SF3B3: variants seen among roughly 807,000 people sequenced by gnomAD.
The protein encoded by SF3B3 is splicing factor 3b subunit 3.
In SF3B3, 33 loss-of-function variants were observed where a neutral mutation model predicts 139.2. The observed-to-expected ratio is 0.24, with a 90% CI of 0.18 to 0.32. SF3B3 has a LOEUF of 0.32. Ranked by LOEUF, SF3B3 falls within the 10% of genes least tolerant of loss-of-function variation. The pLI is 1.00. For missense variants in SF3B3, 818 were observed against 1,509.4 expected, an observed-to-expected ratio of 0.54 and a Z score of 7.59; for synonymous variants, 596 against 563.6, an observed-to-expected ratio of 1.06 and a Z score of -0.81.
chr16:70,563,766 A>C, intron 17 of SF3B3, 110 bp from the exon 18 acceptor site: 1 of 1,014,240 alleles, frequency 9.9e-7, no homozygotes, highest in Non-Finnish European at 1.5e-6. Context: ...CCTAATGCCA[A>C]CGTTAGAGCT....
chr16:70,524,022 A>T, intron 1 of SF3B3, 94 bp downstream of exon 1: 1 of 406,438 alleles, frequency 2.5e-6, no homozygotes, highest in Non-Finnish European at 4.3e-6. Flanking sequence ...GGTCACGGGC[A>T]GTCTAGGCCC....
chr16:70,531,972 C>T (rs546123074), intron 4 of SF3B3, among the ~76,000 whole-genome samples: 1 of 152,186 alleles, frequency 6.6e-6, no homozygotes, highest in African/African-American at 2.4e-5. Context: ...AGCCTGAGGC[C>T]CAGGAATTCT....
intron 11 of SF3B3, among the ~76,000 whole-genome samples, chr16:70,553,087 TTTTA>T (rs2050342891): frequency 6.6e-6 from 1 of 152,102 alleles, no homozygotes; most frequent in African/African-American, 2.4e-5. Flanking sequence ...TTGTATTTTA[TTTTA>T]TTTATTTTTT....
At chr16:70,555,536 G>A (rs991306112) in intron 13 of SF3B3, among the ~76,000 whole-genome samples, 8 of 151,032 alleles carry the variant, frequency 5.3e-5, no homozygotes, top group African/African-American at 1.7e-4. Flanking sequence ...AACCAGTTTG[G>A]TCCCTTACAG....
chr16:70,526,308 A>G (rs2050063116), intron 1 of SF3B3, among the ~76,000 whole-genome samples: 1 of 151,954 alleles, frequency 6.6e-6, no homozygotes, highest in African/African-American at 2.4e-5. Flanking sequence ...CCCAGGTTCA[A>G]GCGATTCTCC....
At chr16:70,549,299 A>G (rs1183667503) in intron 11 of SF3B3, among the ~76,000 whole-genome samples, 1 of 152,188 alleles carries the variant, frequency 6.6e-6, no homozygotes, top group Admixed American at 6.5e-5. Context: ...TAGGAGGAAA[A>G]CAACTTACTA....
intron 1 of SF3B3, among the ~76,000 whole-genome samples, chr16:70,526,218 T>A (rs8052031): frequency 0.58 from 88,141 of 151,604 alleles, 28,543 homozygotes; most frequent in African/African-American, 0.88. Context: ...TTATTTATTT[T>A]TTTTTTTGAG....
intron 11 of SF3B3, among the ~76,000 whole-genome samples, chr16:70,551,360 C>A (rs911577131): frequency 6.6e-6 from 1 of 152,092 alleles, no homozygotes; most frequent in African/African-American, 2.4e-5. Flanking sequence ...GGTACAGTTC[C>A]TAGTCATTTA....
In SF3B3 at chr16:70,538,066, C is replaced by G. The variant is rs78746133; in HGVS notation, c.826-257C>G. ...CTCTTCTCTGACATTTTTCTCTGGACACAGTTTTTGCCTTATGAATCTGAT... is the reference window on the plus strand; with the variant it reads ...CTCTTCTCTGACATTTTTCTCTGGAGACAGTTTTTGCCTTATGAATCTGAT... On this transcript the variant is annotated intron_variant, in intron 6 of 25. Transcript: ENST00000302516. The G allele has an allele frequency of 0.011, 7,014 of 653,014 alleles. 387 individuals are homozygous for G. The African/African-American group carries it at 0.11, about 10-fold the overall frequency. 40.5% of individuals were successfully genotyped at this position (653,014 alleles called of 1,614,324 possible).
At chr16:70,534,603 G>A (rs1222688846) in intron 5 of SF3B3, among the ~76,000 whole-genome samples, 2 of 152,142 alleles carry the variant, frequency 1.3e-5, no homozygotes, top group Admixed American at 1.3e-4. Flanking sequence ...TCTAGGAGGT[G>A]GAGCAGGGTT....
In SF3B3 at chr16:70,573,419, C is replaced by G. The variant is rs1346726574; in HGVS notation, c.*1606C>G. On this transcript the variant is annotated 3_prime_UTR_variant, in exon 26 of 26. Coordinates refer to ENST00000302516, the MANE Select transcript of SF3B3 (RefSeq NM_012426.5). ...CAAGTTTGACTAAAATACATACACT[C>G]CGTACAGAAGGTAGGGGGTTATGTA... The G allele has an allele frequency of 6.6e-6, 1 of 152,146 alleles. No homozygotes were observed. The highest frequency in any genetic ancestry group is 2.4e-5 in the African/African-American group (1 of 41,424). The allele number at this position is 152,146 out of a possible 1,614,324, so 9.4% of individuals were successfully genotyped here. A position where few individuals can be genotyped will look rare whatever the true frequency, so the allele number is the denominator to read the frequency against.
At chr16:70,562,667 T>C (rs2050440000) in intron 17 of SF3B3, among the ~76,000 whole-genome samples, 1 of 152,198 alleles carries the variant, frequency 6.6e-6, no homozygotes, top group Non-Finnish European at 1.5e-5. Context: ...CTGTGGCCCC[T>C]ACCTCCTGAA....
intron 18 of SF3B3, among the ~76,000 whole-genome samples, chr16:70,564,503 C>T (rs555466486): frequency 2.6e-5 from 4 of 152,212 alleles, no homozygotes; most frequent in Non-Finnish European, 4.4e-5. Context: ...CAGGACTATA[C>T]TCTGACCTCC....
chr16:70,550,724 C>T (rs1337141126), intron 11 of SF3B3: 4 of 951,314 alleles, frequency 4.2e-6, no homozygotes, highest in Non-Finnish European at 5.0e-6. Context: ...TATAGTTTAT[C>T]CAAGGAGAGG....
At position 70,529,219 on chromosome 16, in the gene SF3B3, T is replaced by TG; in HGVS notation, c.397+21dup. 6.3e-7 allele frequency: 1 copy of TG among 1,584,952 alleles called. No individual in the cohort carries two copies. The highest frequency in any genetic ancestry group is 8.6e-7 in the Non-Finnish European group (1 of 1,156,458). On this transcript the variant is annotated intron_variant, in intron 3 of 25. Coordinates refer to ENST00000302516, the MANE Select transcript of SF3B3 (RefSeq NM_012426.5). ...TGATTAGTAAGTGATTTACTCTACT[T>TG]GCTGTATATGCCTAGTTTAGGATAA... is the stretch of plus-strand genomic sequence containing the variant.
At chr16:70,537,845 G>C (rs918842153) in intron 6 of SF3B3, among the ~76,000 whole-genome samples, 1 of 152,174 alleles carries the variant, frequency 6.6e-6, no homozygotes. Context: ...AGGCTGAGGC[G>C]GGAGGATCCC....
rs370599143 is a variant in SF3B3, at chr16:70,544,560, G to C, written c.1329+27G>C. 1.2e-4 allele frequency: 157 copies of C among 1,349,980 alleles called. 1 individual carries two copies. In the Middle Eastern group the frequency reaches 6.1e-3, roughly 53 times the overall value. The allele number at this position is 1,349,980 out of a possible 1,614,324, so 83.6% of individuals were successfully genotyped here. A position where few individuals can be genotyped will look rare whatever the true frequency, so the allele number is the denominator to read the frequency against. On this transcript the variant is annotated intron_variant, in intron 10 of 25. Transcript: ENST00000302516. ...TAAGGTTGCAATTTCTAGATAATCTGCAGGGTTTGGAGGGAAGCACTGACA... is the reference window on the plus strand; with the variant it reads ...TAAGGTTGCAATTTCTAGATAATCTCCAGGGTTTGGAGGGAAGCACTGACA...
At chr16:70,562,351 C>T (rs1220419584) in intron 17 of SF3B3, among the ~76,000 whole-genome samples, 1 of 152,128 alleles carries the variant, frequency 6.6e-6, no homozygotes, top group Non-Finnish European at 1.5e-5. Flanking sequence ...TGTTCACATC[C>T]TGGTTATAAC....
At position 70,567,003 on chromosome 16, in the gene SF3B3, T is replaced by C. The variant is rs148952974; in HGVS notation, c.2827-408T>C. ...AAGTCCAGGCTATAGTGAGCCATGA[T>C]TGCGCCTGCCACAGCCCTTCAGCCT... On this transcript the variant is annotated intron_variant, in intron 20 of 25. Coordinates refer to ENST00000302516, the MANE Select transcript of SF3B3 (RefSeq NM_012426.5). Among the ~76,000 whole-genome samples the C allele has an allele frequency of 8.0e-4, 122 of 151,904 alleles. 3 individuals are homozygous for C. In the East Asian group the frequency reaches 0.023, roughly 28 times the overall value.
Sources: allele counts gnomAD v4.1 joint callset (sites outside exome capture counted in the v4.1 genomes callset), GRCh38; gene constraint gnomAD v4.1.1; transcripts MANE v1.5; gene names NCBI Gene and HGNC (gene_info 2026-07-23, HGNC 2026-07-21).